Variants in EYS observed in about 807,000 individuals in gnomAD.
EYS encodes protein eyes shut homolog.
A neutral mutation model predicts 282.1 loss-of-function variants in EYS; 250 were observed. The observed-to-expected ratio is 0.89, with a 90% CI of 0.80 to 0.98. EYS has a LOEUF of 0.98. EYS is among the 50% of genes least tolerant of loss of function. EYS has a pLI of 0.00. For missense variants in EYS, 4,016 were observed against 3,709.0 expected (o/e 1.08, Z -2.15); for synonymous variants, 1,355 against 1,282.9 (o/e 1.06, Z -1.20).
intron 5 of EYS, among the ~76,000 whole-genome samples, chr6:65,479,571 G>C (rs1765529109): frequency 1.3e-5 from 2 of 152,044 alleles, no homozygotes; most frequent in Admixed American, 6.6e-5. Context: ...AAGATCTCAA[G>C]CAAATCTATG....
intron 14 of EYS, among the ~76,000 whole-genome samples, chr6:64,947,472 C>A (rs1162117239): frequency 6.6e-6 from 1 of 151,748 alleles, no homozygotes; most frequent in Non-Finnish European, 1.5e-5. Context: ...ACCTTTTCAA[C>A]ATTGTGCTTT....
At chr6:64,282,563 G>A (rs1467666231) in intron 30 of EYS, among the ~76,000 whole-genome samples, 2 of 152,256 alleles carry the variant, frequency 1.3e-5, no homozygotes, top group African/African-American at 4.8e-5. Context: ...AAGTCTTCCA[G>A]CTGAGGTTTT....
At chr6:65,264,378 C>A (rs557417246) in intron 12 of EYS, among the ~76,000 whole-genome samples, 3 of 152,150 alleles carry the variant, frequency 2.0e-5, no homozygotes, top group South Asian at 4.1e-4. Flanking sequence ...GTTTTCATTA[C>A]TTTTAAACAT....
At chr6:64,006,522 A>G (rs1230353003) in intron 33 of EYS, among the ~76,000 whole-genome samples, 2 of 152,076 alleles carry the variant, frequency 1.3e-5, no homozygotes, top group Non-Finnish European at 2.9e-5. Flanking sequence ...TTCCAGTACT[A>G]TGTTGGATGA....
chr6:64,912,539 G>C lies in EYS; in HGVS notation c.2586C>G (p.Asn862Lys). The change falls in exon 16 of 43, where the codon AAC (asparagine) becomes AAG (lysine). Residue 862 changes from asparagine (N) to lysine (K), a missense_variant. Transcript: ENST00000503581. Reference sequence around the variant, plus strand: ...CTACCAAAGCTAAGCATGTTGAGTTGTTTCTGCAAGGGTTATGAAGTAGGT... The same window carrying C: ...CTACCAAAGCTAAGCATGTTGAGTTCTTTCTGCAAGGGTTATGAAGTAGGT... ...LCDLLHNPCR[N>K]NSTCLALVDA... The C allele has an allele frequency of 6.4e-7, 1 of 1,551,270 alleles. No individual in the cohort carries two copies. The highest frequency in any genetic ancestry group is 8.7e-7 in the Non-Finnish European group (1 of 1,146,640).
At chr6:65,367,402 T>A (rs1764953781) in intron 8 of EYS, among the ~76,000 whole-genome samples, 1 of 151,762 alleles carries the variant, frequency 6.6e-6, no homozygotes, top group African/African-American at 2.4e-5. Context: ...AATTTTTAAA[T>A]AATAAAACTT....
At chr6:65,373,378 C>A (rs1765235072) in intron 8 of EYS, among the ~76,000 whole-genome samples, 1 of 152,030 alleles carries the variant, frequency 6.6e-6, no homozygotes, top group African/African-American at 2.4e-5. Context: ...AATACCACAT[C>A]ACCTTTTGCC....
intron 5 of EYS, among the ~76,000 whole-genome samples, chr6:65,439,164 A>C (rs1038723405): frequency 5.9e-5 from 9 of 152,036 alleles, no homozygotes; most frequent in Admixed American, 5.2e-4. Context: ...AGATGGTTGT[A>C]GATGTGTGGT....
chr6:63,878,682 G>A (rs957916142), intron 35 of EYS, among the ~76,000 whole-genome samples: 6 of 152,266 alleles, frequency 3.9e-5, no homozygotes, highest in South Asian at 2.1e-4. Context: ...CATGGCAGAC[G>A]CCCCTCCCCC....
intron 36 of EYS, among the ~76,000 whole-genome samples, chr6:63,828,546 G>A (rs1057216643): frequency 6.6e-5 from 10 of 152,088 alleles, no homozygotes; most frequent in Admixed American, 5.2e-4. Flanking sequence ...AACAAGCAGC[G>A]AGAATGGAGA....
intron 5 of EYS, among the ~76,000 whole-genome samples, chr6:65,461,317 C>T (rs1358760876): frequency 6.6e-6 from 1 of 152,096 alleles, no homozygotes; most frequent in African/African-American, 2.4e-5. Flanking sequence ...AGCTCCATTA[C>T]ATATCTAGGA....
intron 31 of EYS, among the ~76,000 whole-genome samples, chr6:64,086,538 C>G (rs1772163694): frequency 6.6e-6 from 1 of 152,146 alleles, no homozygotes; most frequent in Non-Finnish European, 1.5e-5. Context: ...TTTTGTTTCT[C>G]TACTTGTGTT....
intron 12 of EYS, among the ~76,000 whole-genome samples, chr6:65,118,809 G>T (rs1775449673): frequency 6.6e-6 from 1 of 151,694 alleles, no homozygotes; most frequent in African/African-American, 2.4e-5. Flanking sequence ...GGCAGAAATT[G>T]TAGTGGGGTG....
At chr6:65,701,611 C>G (rs950316589) in intron 1 of EYS, among the ~76,000 whole-genome samples, 4 of 152,258 alleles carry the variant, frequency 2.6e-5, no homozygotes, top group African/African-American at 9.6e-5. Context: ...TCTTCTCACC[C>G]TATTTGAATT....
intron 33 of EYS, among the ~76,000 whole-genome samples, chr6:64,053,343 A>T (rs1471333237): frequency 6.6e-6 from 1 of 152,154 alleles, no homozygotes; most frequent in African/African-American, 2.4e-5. Flanking sequence ...TATGTTCAGT[A>T]ATTTTATAAA....
At position 64,670,443 on chromosome 6, in the gene EYS, A is replaced by AAATG. The variant is rs1554191289; in HGVS notation, c.3444-44202_3444-44199dup. Among the ~76,000 whole-genome samples, 10 of 132,930 alleles carry AAATG rather than the reference A, an allele frequency of 7.5e-5. No homozygotes were observed. The South Asian group carries it at 1.1e-3, about 15-fold the overall frequency. 87.2% of individuals were successfully genotyped at this position (132,930 alleles called of 152,430 possible). A position where few individuals can be genotyped will look rare whatever the true frequency, so the allele number is the denominator to read the frequency against. On this transcript the variant is annotated intron_variant, in intron 22 of 42. Coordinates refer to ENST00000503581, the MANE Select transcript of EYS (RefSeq NM_001142800.2). ...TAAATAAATAAATAAATAAATAAAT[A>AAATG]AATGAAAAAAAAACGTTAATAGCAC...
intron 5 of EYS, among the ~76,000 whole-genome samples, chr6:65,407,286 C>T (rs939743124): frequency 1.2e-4 from 18 of 151,922 alleles, no homozygotes; most frequent in African/African-American, 3.1e-4. Context: ...GTCATAGTCT[C>T]GCTGTGTTGC....
chr6:64,849,479 T>C (rs75848001), intron 19 of EYS, among the ~76,000 whole-genome samples: 8,827 of 152,064 alleles, frequency 0.058, 266 homozygotes, highest in East Asian at 0.1. Context: ...TATCCTTCAG[T>C]AGATTTCTAT....
intron 12 of EYS, among the ~76,000 whole-genome samples, chr6:65,141,128 G>A (rs1764326420): frequency 6.6e-6 from 1 of 151,874 alleles, no homozygotes; most frequent in African/African-American, 2.4e-5. Context: ...TTAAGAAAAT[G>A]TGGCACATAT....
Sources: allele counts gnomAD v4.1 joint callset (sites outside exome capture counted in the v4.1 genomes callset), GRCh38; gene constraint gnomAD v4.1.1; transcripts MANE v1.5; gene names NCBI Gene and HGNC (gene_info 2026-07-23, HGNC 2026-07-21).